TSHZ2: variants seen among roughly 807,000 people sequenced by gnomAD.
TSHZ2 encodes teashirt homolog 2.
Under a neutral mutation model 74.4 loss-of-function variants are expected in TSHZ2, and 21 were observed. The observed-to-expected ratio is 0.28, with a 90% CI of 0.20 to 0.41. The LOEUF is 0.41. Ranked by LOEUF, TSHZ2 falls within the 10% of genes least tolerant of loss-of-function variation. TSHZ2 has a pLI of 1.00. For synonymous variants in TSHZ2, 540 were observed against 515.3 expected (o/e 1.05, Z -0.65); for missense variants, 1,244 against 1,293.5 (o/e 0.96, Z 0.59).
intron 1 of TSHZ2, among the ~76,000 whole-genome samples, chr20:53,165,364 G>A (rs1337484570): frequency 6.6e-6 from 1 of 152,162 alleles, no homozygotes; most frequent in African/African-American, 2.4e-5. Context: ...CTGCCTTCAA[G>A]CCTTTTCCTA....
At chr20:53,269,408 C>A (rs1990784791) in intron 2 of TSHZ2, among the ~76,000 whole-genome samples, 1 of 152,088 alleles carries the variant, frequency 6.6e-6, no homozygotes, top group South Asian at 2.1e-4. Context: ...GTAGCATTAA[C>A]CTGCATTTCC....
At chr20:53,041,399 G>T (rs781549661) in intron 1 of TSHZ2, among the ~76,000 whole-genome samples, 5 of 152,156 alleles carry the variant, frequency 3.3e-5, no homozygotes, top group Non-Finnish European at 7.3e-5. Context: ...AGACATCTGG[G>T]AATTGAGTCT....
chr20:53,420,912 C>G (rs1411803253), intron 2 of TSHZ2, among the ~76,000 whole-genome samples: 2 of 152,212 alleles, frequency 1.3e-5, no homozygotes, highest in African/African-American at 2.4e-5. Flanking sequence ...TCAGCTCAGG[C>G]TCACTCACTC....
intron 1 of TSHZ2, among the ~76,000 whole-genome samples, chr20:53,146,935 C>A (rs533260962): frequency 2.6e-5 from 4 of 152,252 alleles, no homozygotes; most frequent in South Asian, 4.2e-4. Context: ...GAACCATTGA[C>A]CTTATAATTC....
At chr20:53,134,969 AACAC>A (rs34194089) in intron 1 of TSHZ2, among the ~76,000 whole-genome samples, 1,877 of 143,228 alleles carry the variant, frequency 0.013, 40 homozygotes, top group African/African-American at 0.048. Flanking sequence ...CTGACAAAGA[AACAC>A]ACACACACAC....
At chr20:53,395,282 G>A (rs1168730127) in intron 2 of TSHZ2, among the ~76,000 whole-genome samples, 2 of 152,142 alleles carry the variant, frequency 1.3e-5, no homozygotes, top group East Asian at 3.9e-4. Context: ...ATGGAACCTG[G>A]ACCTATGGAA....
chr20:53,042,450 CTAT>C (rs767367586), intron 1 of TSHZ2, among the ~76,000 whole-genome samples: 1 of 152,214 alleles, frequency 6.6e-6, no homozygotes. Flanking sequence ...ACACACACTG[CTAT>C]TATTATATAT....
intron 1 of TSHZ2, among the ~76,000 whole-genome samples, chr20:52,986,644 G>T (rs1463754920): frequency 1.3e-5 from 2 of 151,268 alleles, no homozygotes; most frequent in Non-Finnish European, 2.9e-5. Context: ...CAGGAGAATC[G>T]CTTGAACCCA....
chr20:53,314,415 T>C (rs6091661), intron 2 of TSHZ2, among the ~76,000 whole-genome samples: 58,581 of 151,864 alleles, frequency 0.39, 11,564 homozygotes, highest in South Asian at 0.49. Context: ...TCTTTCATTC[T>C]GTGGGTCAGG....
At chr20:53,137,911 A>G (rs1014332104) in intron 1 of TSHZ2, among the ~76,000 whole-genome samples, 9 of 152,218 alleles carry the variant, frequency 5.9e-5, no homozygotes, top group African/African-American at 2.4e-5. Flanking sequence ...TTTTAGAGCT[A>G]TCTTTAAAAA....
chr20:53,413,214 G>T (rs1461724251), intron 2 of TSHZ2, among the ~76,000 whole-genome samples: 1 of 152,218 alleles, frequency 6.6e-6, no homozygotes, highest in East Asian at 1.9e-4. Context: ...ACCAACTCCC[G>T]CTGATCGGTG....
intron 2 of TSHZ2, among the ~76,000 whole-genome samples, chr20:53,331,875 T>A (rs1979736464): frequency 6.6e-6 from 1 of 151,968 alleles, no homozygotes; most frequent in Non-Finnish European, 1.5e-5. Context: ...GGGGAATGGA[T>A]GATGTTTGGA....
At chr20:53,292,442 C>T (rs1180374612) in intron 2 of TSHZ2, among the ~76,000 whole-genome samples, 1 of 118,258 alleles carries the variant, frequency 8.5e-6, no homozygotes, top group African/African-American at 3.9e-5. Flanking sequence ...GCACACAAAC[C>T]ACCTATTTTT....
At chr20:53,289,204 C>T (rs1221329134) in intron 2 of TSHZ2, among the ~76,000 whole-genome samples, 2 of 152,078 alleles carry the variant, frequency 1.3e-5, no homozygotes, top group Non-Finnish European at 2.9e-5. Context: ...TTTTCTTTAT[C>T]CACTCTTTGG....
chr20:53,307,796 C>G (rs548668778), intron 2 of TSHZ2, among the ~76,000 whole-genome samples: 1 of 152,048 alleles, frequency 6.6e-6, no homozygotes, highest in African/African-American at 2.4e-5. Context: ...TGGTTTTAAA[C>G]CCCCAGAGGT....
chr20:53,460,996 T>G (rs1447283609), intron 2 of TSHZ2, among the ~76,000 whole-genome samples: 1 of 152,194 alleles, frequency 6.6e-6, no homozygotes, highest in Non-Finnish European at 1.5e-5. Context: ...GTCTTTTTGT[T>G]TGTCTGTGCC....
At chr20:53,050,162 TATGTAC>T (rs1984403867) in intron 1 of TSHZ2, among the ~76,000 whole-genome samples, 1 of 144,090 alleles carries the variant, frequency 6.9e-6, no homozygotes, top group South Asian at 2.2e-4. Context: ...TACACATATA[TATGTAC>T]ATATATACAC....
intron 1 of TSHZ2, among the ~76,000 whole-genome samples, chr20:53,067,611 G>T (rs1985032770): frequency 6.6e-6 from 1 of 152,226 alleles, no homozygotes; most frequent in Non-Finnish European, 1.5e-5. Context: ...GCTGCTTCCA[G>T]AGCCTTCTAA....
At chr20:53,070,113 A>G (rs1985125082) in intron 1 of TSHZ2, among the ~76,000 whole-genome samples, 1 of 152,326 alleles carries the variant, frequency 6.6e-6, no homozygotes, top group East Asian at 1.9e-4. Flanking sequence ...TTCATGAAAG[A>G]CCTTAGAACA....
Sources: allele counts gnomAD v4.1 joint callset (sites outside exome capture counted in the v4.1 genomes callset), GRCh38; gene constraint gnomAD v4.1.1; transcripts MANE v1.5; gene names NCBI Gene and HGNC (gene_info 2026-07-23, HGNC 2026-07-21).